The following CTNND2 variants were observed in gnomAD, a reference collection of about 807,000 sequenced individuals.
CTNND2 encodes catenin delta-2.
CTNND2 carries 22 observed loss-of-function variants against 144.4 expected under a neutral mutation model. The ratio of observed to expected loss-of-function variants is 0.15; its 90% CI spans 0.11 to 0.22. The LOEUF (loss-of-function observed/expected upper bound fraction) is 0.22. Ranked by LOEUF, CTNND2 falls within the 10% of genes least tolerant of loss-of-function variation. The pLI is 1.00. For missense variants in CTNND2, 1,353 were observed against 1,618.8 expected (o/e 0.84, Z 2.82); for synonymous variants, 751 against 695.6 (o/e 1.08, Z -1.25).
intron 3 of CTNND2, among the ~76,000 whole-genome samples, chr5:11,552,591 A>T (rs1444543769): frequency 1.3e-5 from 2 of 152,228 alleles, no homozygotes; most frequent in African/African-American, 4.8e-5. Flanking sequence ...GGTGAGCGAA[A>T]CTGAGATACA....
intron 14 of CTNND2, 128 bp downstream of exon 14, chr5:11,110,730 T>A (rs1003735643): frequency 1.2e-6 from 1 of 829,276 alleles, no homozygotes; most frequent in African/African-American, 1.7e-5. Context: ...ACAGGAAAAT[T>A]GTGCAGATGC....
chr5:11,463,576 C>T (rs1766404695), intron 3 of CTNND2, among the ~76,000 whole-genome samples: 1 of 152,070 alleles, frequency 6.6e-6, no homozygotes, highest in Admixed American at 6.6e-5. Flanking sequence ...TCCATGCCCC[C>T]ATGTTCTGGC....
intron 3 of CTNND2, among the ~76,000 whole-genome samples, chr5:11,539,779 A>C (rs1463342551): frequency 6.6e-6 from 1 of 152,180 alleles, no homozygotes; most frequent in Admixed American, 6.5e-5. Context: ...CATGCCTGTA[A>C]TCCCAGCACT....
intron 1 of CTNND2, among the ~76,000 whole-genome samples, chr5:11,833,799 C>A (rs1241379196): frequency 6.6e-6 from 1 of 152,180 alleles, no homozygotes; most frequent in Non-Finnish European, 1.5e-5. Context: ...CCTGGGATTA[C>A]AGGCGTGAGC....
At chr5:11,216,294 A>G (rs1417400923) in intron 10 of CTNND2, among the ~76,000 whole-genome samples, 2 of 152,358 alleles carry the variant, frequency 1.3e-5, no homozygotes, top group East Asian at 3.9e-4. Context: ...GTTACACGGA[A>G]AAGAGGAATT....
At chr5:11,641,796 ACATACACG>A (rs1424465039) in intron 2 of CTNND2, among the ~76,000 whole-genome samples, 1 of 146,294 alleles carries the variant, frequency 6.8e-6, no homozygotes, top group African/African-American at 2.5e-5. Context: ...ATACACGTGT[ACATACACG>A]TGTATGTACA....
intron 7 of CTNND2, among the ~76,000 whole-genome samples, chr5:11,369,559 G>C (rs1757277116): frequency 6.6e-6 from 1 of 152,098 alleles, no homozygotes; most frequent in Non-Finnish European, 1.5e-5. Context: ...TCATTTGTAG[G>C]TACTAGTTAA....
At chr5:11,575,926 T>A (rs1203336446) in intron 2 of CTNND2, among the ~76,000 whole-genome samples, 1 of 152,170 alleles carries the variant, frequency 6.6e-6, no homozygotes, top group African/African-American at 2.4e-5. Flanking sequence ...GTTTATCCAC[T>A]GACATTCATT....
intron 2 of CTNND2, among the ~76,000 whole-genome samples, chr5:11,650,200 T>C (rs1467297869): frequency 1.3e-5 from 2 of 152,098 alleles, no homozygotes; most frequent in East Asian, 1.9e-4. Flanking sequence ...TCTGGTTGTT[T>C]AAAAGTGTGC....
At chr5:11,228,461 A>G (rs768210981) in intron 10 of CTNND2, among the ~76,000 whole-genome samples, 4 of 146,076 alleles carry the variant, frequency 2.7e-5, no homozygotes, top group Admixed American at 1.4e-4. Context: ...TGTCCTGTTT[A>G]CTTATTTTCT....
chr5:11,500,999 T>C (rs32620), intron 3 of CTNND2, among the ~76,000 whole-genome samples: 65,240 of 152,036 alleles, frequency 0.43, 14,289 homozygotes, highest in South Asian at 0.45. Flanking sequence ...AACTGCTTTA[T>C]AGTATCTCTT....
intron 3 of CTNND2, among the ~76,000 whole-genome samples, chr5:11,432,546 C>A (rs753795247): frequency 1.1e-4 from 16 of 152,100 alleles, no homozygotes; most frequent in Non-Finnish European, 1.9e-4. Flanking sequence ...AGAATATAAT[C>A]CAGCCTGTGA....
chr5:11,342,072 A>G lies in CTNND2; in HGVS notation c.1628+4300T>C, dbSNP rs72730995. Among the ~76,000 whole-genome samples, 387 of 152,296 alleles carry G rather than the reference A, an allele frequency of 2.5e-3. 3 individuals carry two copies. Among genetic ancestry groups the G allele is most frequent in the Non-Finnish European group, 4.6e-3 (312 of 68,022 alleles). On this transcript the variant is annotated intron_variant, in intron 9 of 21. Transcript: ENST00000304623. ...TGAGCTTTCAATTCACTATATATGC[A>G]TGCGCGTGGGTGTGTGTGTGTGTGT... is the stretch of plus-strand genomic sequence containing the variant.
At chr5:11,340,686 T>C (rs911051028) in intron 9 of CTNND2, among the ~76,000 whole-genome samples, 2 of 152,238 alleles carry the variant, frequency 1.3e-5, no homozygotes, top group African/African-American at 4.8e-5. Flanking sequence ...TTCATAGTTT[T>C]GCAGAAGTTG....
At chr5:11,009,473 A>T (rs852617) in intron 18 of CTNND2, among the ~76,000 whole-genome samples, 118,118 of 152,198 alleles carry the variant, frequency 0.78, 46,097 homozygotes, top group African/African-American at 0.85. Flanking sequence ...CGAGTTCTCA[A>T]AGATGTGATA....
At chr5:11,518,777 T>C (rs1024776994) in intron 3 of CTNND2, among the ~76,000 whole-genome samples, 2 of 152,210 alleles carry the variant, frequency 1.3e-5, no homozygotes, top group Non-Finnish European at 2.9e-5. Context: ...TGCAATAGAC[T>C]ATACCATATA....
chr5:11,489,330 C>T (rs1769163825), intron 3 of CTNND2, among the ~76,000 whole-genome samples: 2 of 152,130 alleles, frequency 1.3e-5, no homozygotes, highest in Admixed American at 1.3e-4. Flanking sequence ...AGTTGGCATC[C>T]TTATACCCTC....
Position 11,237,785 on chromosome 5 carries a change from C to T in CTNND2, c.1629-962G>A, listed in dbSNP as rs551589576. Among the ~76,000 whole-genome samples the T allele has an allele frequency of 1.4e-4, 21 of 152,218 alleles. No individual in the cohort carries two copies. In the Middle Eastern group the frequency reaches 0.027, roughly 197 times the overall value. On this transcript the variant is annotated intron_variant, in intron 9 of 21. Coordinates refer to ENST00000304623, the MANE Select transcript of CTNND2 (RefSeq NM_001332.4). ...AAAACAGAATTGGATGAGTCCAATC[C>T]AAAATGTTGTGATAGCAGCCAATGT...
intron 13 of CTNND2, among the ~76,000 whole-genome samples, chr5:11,113,093 A>G (rs1753170123): frequency 6.6e-6 from 1 of 152,138 alleles, no homozygotes; most frequent in African/African-American, 2.4e-5. Context: ...GTGAGCCAAG[A>G]TTGCGCCACT....
Sources: allele counts gnomAD v4.1 joint callset (sites outside exome capture counted in the v4.1 genomes callset), GRCh38; gene constraint gnomAD v4.1.1; transcripts MANE v1.5; gene names NCBI Gene and HGNC (gene_info 2026-07-23, HGNC 2026-07-21).